CREB5: variants seen among roughly 807,000 people sequenced by gnomAD.
The protein encoded by CREB5 is cAMP responsive element binding protein 5.
A neutral mutation model predicts 57.1 loss-of-function variants in CREB5; 19 were observed. The ratio of observed to expected loss-of-function variants is 0.33; its 90% CI spans 0.23 to 0.49. CREB5 has a LOEUF of 0.49. CREB5 is among the 20% of genes least tolerant of loss of function. The pLI is 0.99. For missense variants in CREB5, 579 were observed against 671.6 expected (o/e 0.86, Z 1.52); for synonymous variants, 238 against 238.3 (o/e 1.00, Z 0.01).
At chr7:28,656,406 T>C (rs989538811) in intron 5 of CREB5, among the ~76,000 whole-genome samples, 1 of 152,208 alleles carries the variant, frequency 6.6e-6, no homozygotes, top group South Asian at 2.1e-4. Context: ...TGTTGAGTAA[T>C]ATCATGGAGT....
chr7:28,567,806 G>C (rs936848717), intron 4 of CREB5, among the ~76,000 whole-genome samples: 1 of 152,172 alleles, frequency 6.6e-6, no homozygotes, highest in African/African-American at 2.4e-5. Flanking sequence ...GAATCACATA[G>C]AGCAAGAGTG....
At chr7:28,561,502 C>T (rs763790815) in intron 4 of CREB5, among the ~76,000 whole-genome samples, 1 of 152,172 alleles carries the variant, frequency 6.6e-6, no homozygotes, top group Admixed American at 6.5e-5. Context: ...GCATTAAATG[C>T]TATGCTTGTA....
intron 4 of CREB5, among the ~76,000 whole-genome samples, chr7:28,551,959 CT>C (rs1165406733): frequency 1.9e-5 from 2 of 104,524 alleles, no homozygotes; most frequent in African/African-American, 8.9e-5. Flanking sequence ...TATTCTTTCT[CT>C]TTTTTATTCT....
At chr7:28,397,036 T>G (rs75038559) in intron 1 of CREB5, among the ~76,000 whole-genome samples, 7,427 of 152,328 alleles carry the variant, frequency 0.049, 280 homozygotes, top group Non-Finnish European at 0.068. Flanking sequence ...AGTGTTTTTG[T>G]TCATAACAAT....
chr7:28,608,363 A>T (rs1029364899), intron 5 of CREB5, among the ~76,000 whole-genome samples: 2 of 152,178 alleles, frequency 1.3e-5, no homozygotes, highest in Non-Finnish European at 2.9e-5. Context: ...GCAGTAAAAT[A>T]CCAGAAAGAT....
intron 4 of CREB5, among the ~76,000 whole-genome samples, chr7:28,533,125 C>T (rs1793797396): frequency 6.6e-6 from 1 of 151,980 alleles, no homozygotes; most frequent in Non-Finnish European, 1.5e-5. Flanking sequence ...TGTGGTGGTG[C>T]ACACTGGAAG....
chr7:28,369,062 A>AAAC (rs1213828099), intron 1 of CREB5, among the ~76,000 whole-genome samples: 4 of 152,050 alleles, frequency 2.6e-5, no homozygotes, highest in Admixed American at 6.6e-5. Context: ...CAAAACAAAC[A>AAAC]AACAAACAAA....
chr7:28,443,800 T>C (rs1187806424), intron 1 of CREB5, among the ~76,000 whole-genome samples: 1 of 152,166 alleles, frequency 6.6e-6, no homozygotes. Flanking sequence ...CTTACGATGA[T>C]GATGACTCTT....
intron 7 of CREB5, among the ~76,000 whole-genome samples, chr7:28,782,940 A>G (rs1807075950): frequency 1.3e-5 from 2 of 152,170 alleles, no homozygotes. Flanking sequence ...TTCATTCTCA[A>G]ACGTGGTGCT....
intron 4 of CREB5, among the ~76,000 whole-genome samples, chr7:28,562,143 C>T (rs1795298676): frequency 6.6e-6 from 1 of 152,132 alleles, no homozygotes; most frequent in African/African-American, 2.4e-5. Context: ...ATTCCAGTAA[C>T]CCGAATAAAG....
At chr7:28,745,717 C>G (rs984530233) in intron 7 of CREB5, among the ~76,000 whole-genome samples, 4 of 152,168 alleles carry the variant, frequency 2.6e-5, no homozygotes, top group African/African-American at 9.7e-5. Flanking sequence ...AGCAACAGGC[C>G]GGAGCTGTCT....
At chr7:28,698,634 A>G (rs1397963133) in intron 5 of CREB5, among the ~76,000 whole-genome samples, 13 of 152,246 alleles carry the variant, frequency 8.5e-5, no homozygotes, top group Non-Finnish European at 8.8e-5. Flanking sequence ...TAAGTTCACT[A>G]AAAGCAAACA....
chr7:28,306,981 G>A (rs1785204521), intron 1 of CREB5, among the ~76,000 whole-genome samples: 1 of 152,192 alleles, frequency 6.6e-6, no homozygotes, highest in Non-Finnish European at 1.5e-5. Flanking sequence ...TTGCAGTACA[G>A]TTATTGCTCC....
intron 1 of CREB5, among the ~76,000 whole-genome samples, chr7:28,453,077 C>A (rs917272956): frequency 1.3e-5 from 2 of 152,180 alleles, no homozygotes; most frequent in Admixed American, 6.5e-5. Flanking sequence ...TAAATTAAAC[C>A]AAATATGATC....
intron 7 of CREB5, among the ~76,000 whole-genome samples, chr7:28,734,237 CA>C (rs1206452703): frequency 4.7e-5 from 6 of 127,890 alleles, no homozygotes; most frequent in Admixed American, 3.1e-4. Context: ...AAAACACAAA[CA>C]AAAAAAACAG....
intron 1 of CREB5, among the ~76,000 whole-genome samples, chr7:28,400,578 G>A (rs895113840): frequency 6.6e-6 from 1 of 152,200 alleles, no homozygotes; most frequent in Non-Finnish European, 1.5e-5. Flanking sequence ...AAACCAGGAA[G>A]GGGGAGGAGA....
intron 5 of CREB5, among the ~76,000 whole-genome samples, chr7:28,593,330 C>A (rs913023352): frequency 1.3e-5 from 2 of 152,190 alleles, no homozygotes; most frequent in Non-Finnish European, 2.9e-5. Context: ...CTCACTATAA[C>A]CTCCACCTCC....
chr7:28,638,776 C>T (rs1282723266), intron 5 of CREB5, among the ~76,000 whole-genome samples: 4 of 152,100 alleles, frequency 2.6e-5, no homozygotes, highest in Non-Finnish European at 5.9e-5. Context: ...TATGAAAAAC[C>T]TGACAATCTG....
At chr7:28,517,284 T>G (rs2128612986) in intron 4 of CREB5, among the ~76,000 whole-genome samples, 1 of 152,330 alleles carries the variant, frequency 6.6e-6, no homozygotes, top group Non-Finnish European at 1.5e-5. Flanking sequence ...AGGTGAACAT[T>G]AAGTACGGCT....
Sources: gnomAD v4.1 joint callset for allele counts (sites outside exome capture counted in the v4.1 genomes callset) on GRCh38, gnomAD v4.1.1 for gene constraint, MANE v1.5 for transcripts, NCBI Gene and HGNC (gene_info 2026-07-23, HGNC 2026-07-21) for gene names.